The following KIAA0586 variants were observed in gnomAD, a reference collection of about 807,000 sequenced individuals.
The protein encoded by KIAA0586 is KIAA0586, also known as protein TALPID3.
In KIAA0586, 144 loss-of-function variants were observed where a neutral mutation model predicts 169.8. That is an observed-to-expected ratio of 0.85 (90% CI 0.74 to 0.97). The LOEUF (loss-of-function observed/expected upper bound fraction) is 0.97. Among genes scored for constraint, KIAA0586 ranks in the 50% least tolerant of loss-of-function variants. The pLI, the probability that KIAA0586 is intolerant of heterozygous loss-of-function variation, is 0.00. For missense variants in KIAA0586, 1,854 were observed against 1,823.0 expected (o/e 1.02, Z -0.31); for synonymous variants, 625 against 612.4 (o/e 1.02, Z -0.30).
chr14:58,537,231 AT>A (rs568968708), intron 29 of KIAA0586: 91 of 991,478 alleles, frequency 9.2e-5, no homozygotes, highest in South Asian at 3.4e-4. Context: ...ATAGTGGCTT[AT>A]TTTTTTTAAC....
chr14:58,470,653 G>A lies in KIAA0586; in HGVS notation c.2483G>A (p.Ser828Asn). ...GATATTGACAGCATTTCAAATAGTA[G>A]TGCTGATGTCCTTTCACCTCTGTCT... ...SVDIDSISNS[S>N]ADVLSPLSSP... The change falls in exon 17 of 31, where the codon AGT becomes AAT. Residue 828 changes from serine to asparagine, a missense_variant. By Grantham distance (46) the Ser-to-Asn change is conservative. Coordinates refer to ENST00000652326, the MANE Select transcript of KIAA0586 (RefSeq NM_001329943.3). 3 of 1,607,310 alleles carry A rather than the reference G, an allele frequency of 1.9e-6. No individual in the cohort carries two copies. Among genetic ancestry groups the A allele is most frequent in the Non-Finnish European group, 2.6e-6 (3 of 1,175,192 alleles).
chr14:58,498,620 T>G (rs927630998), intron 26 of KIAA0586, among the ~76,000 whole-genome samples, 163 bp from the exon 27 acceptor site: 15 of 152,228 alleles, frequency 9.9e-5, no homozygotes, highest in Non-Finnish European at 1.3e-4. Flanking sequence ...TTAGACTAAC[T>G]TCTTGAACTT....
chr14:58,427,763 C>T lies in KIAA0586; in HGVS notation c.-502C>T. 1 of 1,531,016 alleles carries T rather than the reference C, an allele frequency of 6.5e-7. No individual in the cohort carries two copies. The highest frequency in any genetic ancestry group is 8.7e-7 in the Non-Finnish European group (1 of 1,145,142). The allele number at this position is 1,531,016 out of a possible 1,614,324, so 94.8% of individuals were successfully genotyped here. A position where few individuals can be genotyped will look rare whatever the true frequency, so the allele number is the denominator to read the frequency against. On this transcript the variant is annotated 5_prime_UTR_variant, in exon 1 of 31. Coordinates refer to ENST00000652326, the MANE Select transcript of KIAA0586 (RefSeq NM_001329943.3). Reference sequence around the variant, plus strand: ...CACGACGGTGCGGGTCTCGGGCGTTCTGGAGATACGTAGGGGTGAATTTAT... The same window carrying T: ...CACGACGGTGCGGGTCTCGGGCGTTTTGGAGATACGTAGGGGTGAATTTAT...
chr14:58,456,731 C>T lies in KIAA0586; in HGVS notation c.1283C>T (p.Thr428Ile). The change falls in exon 10 of 31, where the codon ACT (threonine) becomes ATT (isoleucine). Residue 428 changes from threonine (T) to isoleucine (I), a missense_variant. Physicochemically the swap from Thr to Ile is moderately conservative, Grantham distance 89 (BLOSUM62 -1). Coordinates refer to ENST00000652326, the MANE Select transcript of KIAA0586 (RefSeq NM_001329943.3). ...CCTTCCTGTGAAGAGCTAGAAACAA[C>T]TAAAGTGACTATGCAGAAGTCTGAT... The part of the protein sequence containing the change: ...RFPSCEELET[T>I]KVTMQKSDDV... 6.2e-7 allele frequency: 1 copy of T among 1,604,898 alleles called. No homozygotes were observed. The highest frequency in any genetic ancestry group is 8.5e-7 in the Non-Finnish European group (1 of 1,174,902).
Position 58,466,049 on chromosome 14 carries a change from G to T in KIAA0586, c.2254+20G>T. 6.7e-7 allele frequency: 1 copy of T among 1,484,598 alleles called. No individual in the cohort carries two copies. Among genetic ancestry groups the T allele is most frequent in the Non-Finnish European group, 9.3e-7 (1 of 1,077,962 alleles). 92.0% of individuals were successfully genotyped at this position (1,484,598 alleles called of 1,614,324 possible). A position where few individuals can be genotyped will look rare whatever the true frequency, so the allele number is the denominator to read the frequency against. Reference sequence around the variant, plus strand: ...TTTTAGGTAAGAATCAACAAAATATGTGGGATGGATTTTATTTTATTTATT... The same window carrying T: ...TTTTAGGTAAGAATCAACAAAATATTTGGGATGGATTTTATTTTATTTATT... On this transcript the variant is annotated intron_variant, in intron 15 of 30. Transcript: ENST00000652326.
intron 29 of KIAA0586, among the ~76,000 whole-genome samples, chr14:58,524,903 C>T (rs939398587): frequency 1.3e-5 from 2 of 152,178 alleles, no homozygotes; most frequent in African/African-American, 4.8e-5. Flanking sequence ...GATGGGGTTT[C>T]ACCATGTTGG....
intron 21 of KIAA0586, among the ~76,000 whole-genome samples, chr14:58,484,835 T>C (rs2042259831): frequency 1.5e-5 from 2 of 133,992 alleles, no homozygotes; most frequent in African/African-American, 5.5e-5. Flanking sequence ...AATCACCTTA[T>C]ATAAAGACTT....
At position 58,490,252 on chromosome 14, in the gene KIAA0586, T is replaced by C; in HGVS notation, c.3858+12T>C. ...ATGCCGTTGAAATGGTAAGTAACGA[T>C]TGACTCCAACACTGAATTCTGACAG... On this transcript the variant is annotated intron_variant, in intron 25 of 30. Coordinates refer to ENST00000652326, the MANE Select transcript of KIAA0586 (RefSeq NM_001329943.3). 1 of 1,445,090 alleles carries C rather than the reference T, an allele frequency of 6.9e-7. No homozygotes were observed. The highest frequency in any genetic ancestry group is 9.4e-7 in the Non-Finnish European group (1 of 1,062,958). The allele number at this position is 1,445,090 out of a possible 1,614,324, so 89.5% of individuals were successfully genotyped here.
At chr14:58,428,539 A>C (rs2037058130) in intron 1 of KIAA0586, 76 bp downstream of exon 1, 2 of 1,105,498 alleles carry the variant, frequency 1.8e-6, no homozygotes, top group Non-Finnish European at 2.7e-6. Flanking sequence ...AAATTCCCAA[A>C]CGTAAGATAT....
intron 27 of KIAA0586, among the ~76,000 whole-genome samples, chr14:58,507,860 G>A (rs918197589): frequency 1.6e-4 from 25 of 152,028 alleles, no homozygotes; most frequent in Admixed American, 5.2e-4. Flanking sequence ...TCTCAGCTCA[G>A]TGCAACCTCC....
rs201643671 is a variant in KIAA0586 at position 58,523,045 on chromosome 14, TC to T, written c.4429+10419del. 4.6e-4 allele frequency among the ~76,000 whole-genome samples: 70 copies of T among 152,166 alleles called. No individual in the cohort carries two copies. In the East Asian group the frequency reaches 0.011, roughly 23 times the overall value. On this transcript the variant is annotated intron_variant, in intron 29 of 30. Transcript: ENST00000652326. ...TGTATATGCATATCTATATATAATA[TC>T]TATATCTATGTCATATATATATATA...
chr14:58,531,615 G>A (rs1038481916), intron 29 of KIAA0586, among the ~76,000 whole-genome samples: 1 of 152,180 alleles, frequency 6.6e-6, no homozygotes, highest in African/African-American at 2.4e-5. Context: ...CATTGTAGAA[G>A]ACATTGTGGT....
intron 8 of KIAA0586, among the ~76,000 whole-genome samples, chr14:58,451,915 C>G (rs1197387512): frequency 6.6e-6 from 1 of 152,194 alleles, no homozygotes; most frequent in African/African-American, 2.4e-5. Flanking sequence ...GATCTCCTGA[C>G]CTCGTGATCC....
intron 21 of KIAA0586, among the ~76,000 whole-genome samples, chr14:58,486,411 C>T (rs915834261): frequency 2.0e-5 from 3 of 152,062 alleles, no homozygotes; most frequent in Non-Finnish European, 4.4e-5. Context: ...TGGCAATGAA[C>T]ATATGAGTGC....
downstream of KIAA0586, among the ~76,000 whole-genome samples, chr14:58,552,214 A>G (rs1009529179): frequency 6.6e-6 from 1 of 152,224 alleles, no homozygotes; most frequent in Non-Finnish European, 1.5e-5. Context: ...CTAATGAGAA[A>G]TCTGATCATT....
At position 58,477,257 on chromosome 14, in the gene KIAA0586, T is replaced by A. The variant is rs75151499; in HGVS notation, c.2944+16T>A. On this transcript the variant is annotated intron_variant, in intron 20 of 30. Coordinates refer to ENST00000652326, the MANE Select transcript of KIAA0586 (RefSeq NM_001329943.3). The stretch of plus-strand genomic sequence containing the variant: ...TCTGACATTGGTAAGTGAAATAGAA[T>A]TTTTTTTTGTTTTTATTAAAAGACA... 5.6e-6 allele frequency: 7 copies of A among 1,244,916 alleles called. No individual in the cohort carries two copies. The highest frequency in any genetic ancestry group is 7.9e-6 in the Non-Finnish European group (7 of 881,548). The allele number at this position is 1,244,916 out of a possible 1,614,324, so 77.1% of individuals were successfully genotyped here. A position where few individuals can be genotyped will look rare whatever the true frequency, so the allele number is the denominator to read the frequency against.
At chr14:58,431,093 T>A (rs983807718) in intron 3 of KIAA0586, among the ~76,000 whole-genome samples, 1 of 152,230 alleles carries the variant, frequency 6.6e-6, no homozygotes, top group Non-Finnish European at 1.5e-5. Context: ...TAGAATTTAT[T>A]TTTAAACATT....
chr14:58,542,490 AT>A (rs1229017552), intron 30 of KIAA0586, among the ~76,000 whole-genome samples: 20 of 152,026 alleles, frequency 1.3e-4, no homozygotes, highest in Admixed American at 1.3e-3. Context: ...AAAAAAAAAA[AT>A]TCCCAAAATA....
the KIAA0586 span, among the ~76,000 whole-genome samples, chr14:58,560,210 G>A: frequency 6.6e-6 from 1 of 151,816 alleles, no homozygotes; most frequent in African/African-American, 2.4e-5. Context: ...CCAACAGCTG[G>A]TGGGAGGGCC....
Sources: allele counts gnomAD v4.1 joint callset (sites outside exome capture counted in the v4.1 genomes callset), GRCh38; gene constraint gnomAD v4.1.1; transcripts MANE v1.5; gene names NCBI Gene and HGNC (gene_info 2026-07-23, HGNC 2026-07-21).